Variants in C5 observed in about 807,000 individuals in gnomAD.
C5 encodes complement C5.
A neutral mutation model predicts 218.8 loss-of-function variants in C5; 140 were observed. That is an observed-to-expected ratio of 0.64 (90% CI 0.56 to 0.74). C5 has a LOEUF of 0.74. Ranked by LOEUF, C5 falls within the 30% of genes least tolerant of loss-of-function variation. The pLI, the probability that C5 is intolerant of heterozygous loss-of-function variation, is 0.00. For synonymous variants in C5, 614 were observed against 682.3 expected, an observed-to-expected ratio of 0.90 and a Z score of 1.56; for missense variants, 1,700 against 1,969.6, an observed-to-expected ratio of 0.86 and a Z score of 2.59.
intron 7 of C5, among the ~76,000 whole-genome samples, chr9:121,029,935 C>T (rs1276945691): frequency 3.9e-5 from 6 of 152,184 alleles, no homozygotes; most frequent in South Asian, 2.1e-4. Flanking sequence ...CAACTGGCTG[C>T]AGCTACATGG....
intron 28 of C5, among the ~76,000 whole-genome samples, chr9:120,979,228 C>G (rs1265158862): frequency 2.0e-5 from 3 of 152,204 alleles, no homozygotes; most frequent in Non-Finnish European, 2.9e-5. Context: ...CTGTTCTCCA[C>G]CAGGTACTTC....
intron 9 of C5, among the ~76,000 whole-genome samples, chr9:121,025,098 A>G (rs1045021271): frequency 6.6e-6 from 1 of 152,150 alleles, no homozygotes; most frequent in Non-Finnish European, 1.5e-5. Context: ...TACACACATA[A>G]TCTTATTTTG....
At chr9:120,969,667 TGGTACAGGAGAGACTAAAAAAGAAAGG>T (rs955220834) in intron 32 of C5, among the ~76,000 whole-genome samples, 6 of 152,130 alleles carry the variant, frequency 3.9e-5, no homozygotes, top group East Asian at 1.9e-4. Flanking sequence ...AAAGAAAGGA[TGGTACAGGAGAGACTAAAAAAGAAAGG>T]GGTACAGGAG....
At chr9:120,995,076 A>C (rs528770249) in intron 22 of C5, among the ~76,000 whole-genome samples, 8 of 152,322 alleles carry the variant, frequency 5.3e-5, no homozygotes, top group Admixed American at 5.2e-4. Flanking sequence ...TGAAGAAAAA[A>C]TTGGAGAAAC....
chr9:121,041,662 G>C (rs983035141), intron 3 of C5, among the ~76,000 whole-genome samples: 2 of 152,104 alleles, frequency 1.3e-5, no homozygotes, highest in African/African-American at 4.8e-5. Context: ...CTGCTTACTG[G>C]ACAAAGACTG....
rs1417796985 is a variant in C5, at chr9:120,974,934, G to T, written c.3865-3C>A. 1 of 1,614,030 alleles carries T rather than the reference G, an allele frequency of 6.2e-7. No homozygotes were observed. Among genetic ancestry groups the T allele is most frequent in the African/African-American group, 1.3e-5 (1 of 74,932 alleles). ...CCCTCAATGGCATTGATTGTGTCCT[G>T]TCAGCAATCAGCAAGGCACAAAAAT... is the stretch of plus-strand genomic sequence containing the variant. On this transcript the variant is annotated splice_region_variant and splice_polypyrimidine_tract_variant and intron_variant, in intron 29 of 40. Coordinates refer to ENST00000223642, the MANE Select transcript of C5 (RefSeq NM_001735.3).
At chr9:121,027,077 G>C in intron 8 of C5, 83 bp downstream of exon 8, 1 of 772,530 alleles carries the variant, frequency 1.3e-6, no homozygotes, top group Non-Finnish European at 2.3e-6. Flanking sequence ...TGGGGGATTG[G>C]ACTAGATGGT....
chr9:120,995,521 G>A (rs1179140930), intron 22 of C5, among the ~76,000 whole-genome samples: 2 of 152,026 alleles, frequency 1.3e-5, no homozygotes, highest in African/African-American at 4.8e-5. Flanking sequence ...GGAGCAATGA[G>A]GAATGGGTTT....
intron 20 of C5, among the ~76,000 whole-genome samples, chr9:121,003,323 A>G (rs1404317593): frequency 6.6e-6 from 1 of 152,128 alleles, no homozygotes; most frequent in Non-Finnish European, 1.5e-5. Context: ...TAATACCATC[A>G]GTATGGTAAA....
At position 121,013,770 on chromosome 9, in the gene C5, T is replaced by C. The variant is rs2047282605; in HGVS notation, c.2257+103A>G. ...GACATTTACAAGTTATCTTTTCTACTTTCAATTCTAAATAGATCATGAAAA... is the reference window on the plus strand; with the variant it reads ...GACATTTACAAGTTATCTTTTCTACCTTCAATTCTAAATAGATCATGAAAA... On this transcript the variant is annotated intron_variant, in intron 17 of 40. Coordinates refer to ENST00000223642, the MANE Select transcript of C5 (RefSeq NM_001735.3). The C allele has an allele frequency of 8.4e-6, 9 of 1,070,036 alleles. 1 individual carries two copies. The South Asian group carries it at 1.1e-4, about 13-fold the overall frequency. 66.3% of individuals were successfully genotyped at this position (1,070,036 alleles called of 1,614,324 possible). A position where few individuals can be genotyped will look rare whatever the true frequency, so the allele number is the denominator to read the frequency against.
chr9:121,021,424 G>T, intron 11 of C5, 85 bp downstream of exon 11: 1 of 1,062,184 alleles, frequency 9.4e-7, no homozygotes, highest in Non-Finnish European at 1.5e-6. Flanking sequence ...TGTAAAATCT[G>T]CCGCATCTGT....
chr9:121,047,987 T>G (rs1026504509), intron 1 of C5, among the ~76,000 whole-genome samples: 6 of 152,146 alleles, frequency 3.9e-5, no homozygotes, highest in Non-Finnish European at 8.8e-5. Context: ...AATTTTAAGG[T>G]GAAGAAACTG....
intron 11 of C5, 62 bp from the exon 12 acceptor site, chr9:121,020,241 C>G: frequency 1.7e-6 from 2 of 1,191,120 alleles, no homozygotes; most frequent in Admixed American, 1.7e-5. Flanking sequence ...GTAAAACATA[C>G]CTTTCAAATT....
chr9:121,025,680 GT>G, intron 8 of C5, 100 bp from the exon 9 acceptor site: 1 of 1,167,782 alleles, frequency 8.6e-7, no homozygotes, highest in Non-Finnish European at 1.3e-6. Flanking sequence ...GAAGGTAAAT[GT>G]CAGAAGAATG....
rs1047912199 is a variant in C5 at position 120,999,991 on chromosome 9, G to T, written c.2563-2217C>A. 13 of 432,128 alleles carry T rather than the reference G, an allele frequency of 3.0e-5. No homozygotes were observed. In the Admixed American group the frequency reaches 3.3e-4, roughly 11 times the overall value. The allele number at this position is 432,128 out of a possible 1,614,324, so 26.8% of individuals were successfully genotyped here. A position where few individuals can be genotyped will look rare whatever the true frequency, so the allele number is the denominator to read the frequency against. On this transcript the variant is annotated intron_variant, in intron 20 of 40. Coordinates refer to ENST00000223642, the MANE Select transcript of C5 (RefSeq NM_001735.3). Reference sequence around the variant, plus strand: ...GGAGAATCGCTTGAACCTGGCAGGCGGAGCTTGCAGTGACCCGAGATCTTC... The same window carrying T: ...GGAGAATCGCTTGAACCTGGCAGGCTGAGCTTGCAGTGACCCGAGATCTTC...
intron 23 of C5, among the ~76,000 whole-genome samples, 186 bp from the exon 24 acceptor site, chr9:120,989,966 A>C (rs1037470914): frequency 6.6e-6 from 1 of 152,220 alleles, no homozygotes; most frequent in Non-Finnish European, 1.5e-5. Context: ...AGAAACAAAA[A>C]AAAAAAAGAC....
intron 20 of C5, among the ~76,000 whole-genome samples, chr9:121,002,325 T>C (rs1213733279): frequency 4.5e-5 from 5 of 111,900 alleles, no homozygotes; most frequent in African/African-American, 1.9e-4. Flanking sequence ...TGTATATATA[T>C]ATATATATAT....
Position 120,952,359 on chromosome 9 carries a change from T to C in C5, c.*380A>G, listed in dbSNP as rs1213041968. The stretch of plus-strand genomic sequence containing the variant: ...GTTTGAAAGCAAACTCAGGCTTTAA[T>C]GATCAGTTTCCTGTTCCTTGGTATT... On this transcript the variant is annotated 3_prime_UTR_variant, in exon 41 of 41. Transcript: ENST00000223642. 12 of 282,298 alleles carry C rather than the reference T, an allele frequency of 4.3e-5. No homozygotes were observed. The highest frequency in any genetic ancestry group is 7.6e-5 in the Non-Finnish European group (11 of 144,962). The allele number at this position is 282,298 out of a possible 1,614,324, so 17.5% of individuals were successfully genotyped here.
At chr9:121,031,094 GTTAA>G (rs2131797053) in intron 6 of C5, among the ~76,000 whole-genome samples, 1 of 152,086 alleles carries the variant, frequency 6.6e-6, no homozygotes, top group South Asian at 2.1e-4. Flanking sequence ...TGTTTTTCTT[GTTAA>G]TTGTTAAAAT....
Sources: allele counts gnomAD v4.1 joint callset (sites outside exome capture counted in the v4.1 genomes callset), GRCh38; gene constraint gnomAD v4.1.1; transcripts MANE v1.5; gene names NCBI Gene and HGNC (gene_info 2026-07-23, HGNC 2026-07-21).